MARCO: variants seen among roughly 807,000 people sequenced by gnomAD.
MARCO encodes macrophage receptor with collagenous structure, also known as macrophage receptor MARCO.
A neutral mutation model predicts 70.0 loss-of-function variants in MARCO; 72 were observed. The ratio of observed to expected loss-of-function variants is 1.03; its 90% CI spans 0.85 to 1.25. The LOEUF (loss-of-function observed/expected upper bound fraction) is 1.25, where lower values mean the gene tolerates loss of function less well. Ranked by LOEUF, MARCO falls within the 50% of genes most tolerant of loss-of-function variation. The probability of loss-of-function intolerance (pLI) is 0.00; values close to 1 mark genes in which losing one functional copy is unlikely to be tolerated. For missense variants in MARCO, 696 were observed against 659.3 expected (o/e 1.06, Z -0.61); for synonymous variants, 273 against 243.1 (o/e 1.12, Z -1.14).
At chr2:118,942,549 A>T (rs112839786) in intron 1 of MARCO, 152 bp downstream of exon 1, 7 of 579,628 alleles carry the variant, frequency 1.2e-5, no homozygotes, top group Non-Finnish European at 2.1e-5. Context: ...GAGTGCTTCA[A>T]TTTGGAATTT....
At chr2:118,948,873 A>G (rs1171945106) in intron 1 of MARCO, among the ~76,000 whole-genome samples, 1 of 152,156 alleles carries the variant, frequency 6.6e-6, no homozygotes, top group Non-Finnish European at 1.5e-5. Context: ...ATTGAACTAG[A>G]GCAAAAGTAT....
At chr2:118,951,633 C>T (rs980684022) in intron 1 of MARCO, among the ~76,000 whole-genome samples, 5 of 152,250 alleles carry the variant, frequency 3.3e-5, no homozygotes, top group Non-Finnish European at 7.3e-5. Context: ...GGCCTCAGTG[C>T]TTTCGGGCTA....
At chr2:118,991,896 T>A (rs1224025838) in intron 14 of MARCO, 21 bp downstream of exon 14, 2 of 1,537,258 alleles carry the variant, frequency 1.3e-6, no homozygotes, top group East Asian at 2.3e-5. Context: ...TGCATCTGAT[T>A]CCTTTGTTCT....
intron 1 of MARCO, among the ~76,000 whole-genome samples, chr2:118,945,838 G>A (rs1364457965): frequency 2.6e-5 from 4 of 152,114 alleles, no homozygotes; most frequent in Non-Finnish European, 5.9e-5. Flanking sequence ...GGTTTTTATT[G>A]TTGTTTGTTT....
intron 8 of MARCO, among the ~76,000 whole-genome samples, chr2:118,979,659 C>A (rs923187867): frequency 1.3e-5 from 2 of 152,148 alleles, no homozygotes; most frequent in Admixed American, 6.5e-5. Context: ...GGCTTGGAAA[C>A]GCTGTGGTTG....
chr2:118,993,196 C>A lies in MARCO; in HGVS notation c.1325C>A (p.Thr442Asn), dbSNP rs780134774. The A allele has an allele frequency of 1.2e-5, 20 of 1,614,150 alleles. No homozygotes were observed. Among genetic ancestry groups the A allele is most frequent in the East Asian group, 1.1e-4 (5 of 44,868 alleles). Residue 442 changes from threonine to asparagine, a missense_variant, in exon 16 of 17, where the codon ACC becomes AAC. Physicochemically the swap from Thr to Asn is moderately conservative, Grantham distance 65 (BLOSUM62 0). Around this residue, in one of 3 missense-constraint regions of MARCO, gnomAD observed 33 missense variants for 59.6 expected, o/e 0.55. Transcript: ENST00000327097. ...CGGGCTGAAGTTTACTACAGTGGTA[C>A]CTGGGGGACAATTTGCGATGACGAG... is the stretch of plus-strand genomic sequence containing the variant. ...RGRAEVYYSG[T>N]WGTICDDEWQ...
At chr2:118,990,345 G>T (rs1472475411) in intron 12 of MARCO, among the ~76,000 whole-genome samples, 1 of 152,090 alleles carries the variant, frequency 6.6e-6, no homozygotes, top group Non-Finnish European at 1.5e-5. Context: ...GTGCATCTGG[G>T]GTCTGTCTAA....
chr2:118,955,117 G>GA (rs930495727), intron 1 of MARCO, among the ~76,000 whole-genome samples: 8 of 151,578 alleles, frequency 5.3e-5, no homozygotes, highest in African/African-American at 1.2e-4. Context: ...TGATTTACCT[G>GA]AAAAAAAATT....
intron 12 of MARCO, among the ~76,000 whole-genome samples, chr2:118,985,889 C>T (rs1680474540): frequency 6.6e-6 from 1 of 152,134 alleles, no homozygotes; most frequent in Admixed American, 6.5e-5. Context: ...TTTCCATGCC[C>T]TTTTATTTTC....
chr2:118,986,625 GA>G (rs1284469728), intron 12 of MARCO, among the ~76,000 whole-genome samples: 1 of 29,280 alleles, frequency 3.4e-5, no homozygotes, highest in Non-Finnish European at 5.7e-5. Context: ...AAGAAAGAAA[GA>G]AAGAAAGAAA....
chr2:118,950,809 T>C (rs1335324798), intron 1 of MARCO, among the ~76,000 whole-genome samples: 2 of 152,064 alleles, frequency 1.3e-5, no homozygotes, highest in African/African-American at 2.4e-5. Context: ...CCTTTTTTTT[T>C]CCTCAAAGAT....
intron 6 of MARCO, among the ~76,000 whole-genome samples, chr2:118,975,528 C>T (rs751329693): frequency 5.3e-5 from 8 of 152,162 alleles, no homozygotes; most frequent in Non-Finnish European, 1.2e-4. Context: ...GCCTATTGAT[C>T]TGTGTCCAGC....
At chr2:118,986,717 G>GA (rs752025427) in intron 12 of MARCO, among the ~76,000 whole-genome samples, 1 of 102,026 alleles carries the variant, frequency 9.8e-6, no homozygotes, top group Non-Finnish European at 1.9e-5. Flanking sequence ...AAGAAAGAAA[G>GA]AAAGAAAAGA....
At chr2:118,951,990 C>G (rs539457205) in intron 1 of MARCO, among the ~76,000 whole-genome samples, 61 of 152,272 alleles carry the variant, frequency 4.0e-4, no homozygotes, top group African/African-American at 1.4e-3. Context: ...CTCTGCTGGT[C>G]TTTCCCTGCC....
At chr2:118,942,496 C>A in intron 1 of MARCO, 99 bp downstream of exon 1, 1 of 949,502 alleles carries the variant, frequency 1.1e-6, no homozygotes, top group South Asian at 1.5e-5. Flanking sequence ...CTAGGTTTGG[C>A]TTATTGCTGC....
At chr2:118,985,035 G>A (rs3731611) in intron 12 of MARCO, among the ~76,000 whole-genome samples, 3 of 152,100 alleles carry the variant, frequency 2.0e-5, no homozygotes, top group East Asian at 1.9e-4. Flanking sequence ...AAACATGAGC[G>A]GTCTGTTCAT....
intron 12 of MARCO, among the ~76,000 whole-genome samples, chr2:118,986,693 GAAAGAAAGAAAGAAAGAAAGAAAGAA>G (rs1558671886): frequency 0.016 from 1,150 of 73,628 alleles, 125 homozygotes; most frequent in East Asian, 0.086. Flanking sequence ...AAGAAAGAAA[GAAAGAAAGAAAGAAAGAAAGAAAGAA>G]AGAAAAGAAA....
rs757924441 is a variant in MARCO, at chr2:118,977,473, C to T, written c.616C>T (p.Leu206Phe). The T allele has an allele frequency of 5.4e-5, 87 of 1,613,688 alleles. No homozygotes were observed. The highest frequency in any genetic ancestry group is 7.1e-5 in the Non-Finnish European group (84 of 1,179,786). The change falls in exon 7 of 17, where the codon CTC (leucine) becomes TTC (phenylalanine). Residue 206 changes from leucine (L) to phenylalanine (F), a missense_variant and splice_region_variant. Leu to Phe is a conservative substitution (Grantham distance 22). Coordinates refer to ENST00000327097, the MANE Select transcript of MARCO (RefSeq NM_006770.4). ...AGCTCTTTTTTCCTTCCTCACAGGC[C>T]TCCAAGGACCCCAGGGTGCTCCAGG... ...GPPGVKGEAG[L>F]QGPQGAPGKQ... is the part of the protein sequence containing the mutation.
At chr2:118,991,251 T>C (rs1360276555) in intron 13 of MARCO, among the ~76,000 whole-genome samples, 2 of 97,736 alleles carry the variant, frequency 2.0e-5, no homozygotes, top group Non-Finnish European at 4.6e-5. Flanking sequence ...TTATGTTTTA[T>C]GGTTTTTTTT....
Sources: allele counts gnomAD v4.1 joint callset (sites outside exome capture counted in the v4.1 genomes callset), GRCh38; gene constraint gnomAD v4.1.1; regional missense constraint gnomAD v4.1.1; transcripts MANE v1.5; gene names NCBI Gene and HGNC (gene_info 2026-07-23, HGNC 2026-07-21).